The following ZNF232 variants were observed in gnomAD, a reference collection of about 807,000 sequenced individuals.
ZNF232 encodes zinc finger and SCAN domain-containing protein 11.
A neutral mutation model predicts 25.2 loss-of-function variants in ZNF232; 25 were observed. The observed-to-expected ratio is 0.99, with a 90% CI of 0.72 to 1.39. ZNF232 has a LOEUF of 1.39. Ranked by LOEUF, ZNF232 falls within the 40% of genes most tolerant of loss-of-function variation. ZNF232 has a pLI of 0.00. For missense variants in ZNF232, 519 were observed against 520.9 expected (o/e 1.00, Z 0.04); for synonymous variants, 193 against 182.9 (o/e 1.06, Z -0.45).
exon 4 of ZNF232, chr17:5,105,783 A>C (rs2072245070): frequency 2.0e-6 from 3 of 1,504,304 alleles, no homozygotes; most frequent in Admixed American, 4.4e-5. Context: ...AGTAGATTAG[A>C]CCGATGTAGA....
chr17:5,111,455 G>A (rs1429817774), intron 1 of ZNF232: 3 of 410,504 alleles, frequency 7.3e-6, no homozygotes, highest in African/African-American at 6.2e-5. Flanking sequence ...GTGATGCCCG[G>A]CGCCGCTGGC....
intron 1 of ZNF232, among the ~76,000 whole-genome samples, chr17:5,110,862 G>GT (rs1389300566): frequency 6.6e-6 from 1 of 152,182 alleles, no homozygotes; most frequent in African/African-American, 2.4e-5. Context: ...ACCAAAGAGG[G>GT]TTTTGAGGGC....
exon 2 of ZNF232, chr17:5,109,868 C>T: frequency 1.3e-6 from 2 of 1,592,022 alleles, no homozygotes; most frequent in Middle Eastern, 1.7e-4. Flanking sequence ...GCAAGGGCCC[C>T]CTGTAACATA....
chr17:5,109,114 C>A, intron 2 of ZNF232, 62 bp from the exon 3 acceptor site: 2 of 1,608,524 alleles, frequency 1.2e-6, no homozygotes, highest in Non-Finnish European at 1.7e-6. Flanking sequence ...TGGTTTCTGT[C>A]CCCTGCCTGG....
exon 1 of ZNF232, chr17:5,111,839 A>G: frequency 6.2e-7 from 1 of 1,613,754 alleles, no homozygotes; most frequent in Non-Finnish European, 8.5e-7. Flanking sequence ...GCTGCCGCGA[A>G]TCGCGCCACT....
chr17:5,113,460 A>G (rs1460214372), upstream of ZNF232: 1 of 152,264 alleles, frequency 6.6e-6, no homozygotes, highest in Non-Finnish European at 1.5e-5. Flanking sequence ...TCAGTATGTC[A>G]AACTTCAATG....
intron 1 of ZNF232, among the ~76,000 whole-genome samples, chr17:5,118,457 CA>C (rs2072581170): frequency 1.3e-5 from 2 of 152,238 alleles, no homozygotes. Flanking sequence ...CGGTGCTGCC[CA>C]AGTGGGGGTG....
chr17:5,109,127 A>G, intron 2 of ZNF232, 75 bp from the exon 3 acceptor site: 1 of 1,600,484 alleles, frequency 6.2e-7, no homozygotes. Context: ...CTGCCTGGAC[A>G]CTTGCAGATG....
chr17:5,117,816 C>T (rs1184851949), intron 1 of ZNF232, among the ~76,000 whole-genome samples: 5 of 151,734 alleles, frequency 3.3e-5, no homozygotes, highest in Admixed American at 1.3e-4. Context: ...CAAGTGAGGC[C>T]GGGTGGGGTG....
upstream of ZNF232, chr17:5,112,011 G>A (rs1003618734): frequency 5.1e-5 from 43 of 843,574 alleles, no homozygotes; most frequent in South Asian, 6.0e-4. Flanking sequence ...TCCTGGACTT[G>A]AGCGGAGCGA....
chr17:5,106,667 T>C, intron 3 of ZNF232, 134 bp from the exon 4 acceptor site: 1 of 761,660 alleles, frequency 1.3e-6, no homozygotes, highest in Non-Finnish European at 2.1e-6. Context: ...TATCTCTTGG[T>C]GATGGGACTA....
upstream of ZNF232, among the ~76,000 whole-genome samples, chr17:5,115,555 A>C (rs112775400): frequency 2.0e-5 from 3 of 148,664 alleles, no homozygotes; most frequent in African/African-American, 7.5e-5. Flanking sequence ...CGTCTCCAAA[A>C]ACACACACAC....
At chr17:5,109,044 G>A (rs546530932) in exon 3 of ZNF232, 1 of 1,614,014 alleles carries the variant, frequency 6.2e-7, no homozygotes, top group Non-Finnish European at 8.5e-7. Context: ...CATGTGCAGG[G>A]CCTGGGACCT....
chr17:5,106,575 T>G, intron 3 of ZNF232, 42 bp from the exon 4 acceptor site: 4 of 1,498,632 alleles, frequency 2.7e-6, no homozygotes, highest in Non-Finnish European at 3.6e-6. Context: ...AAATGTATAT[T>G]TCTGGAATGA....
At chr17:5,115,793 A>G (rs1255156580), upstream of ZNF232, among the ~76,000 whole-genome samples, 2 of 152,156 alleles carry the variant, frequency 1.3e-5, no homozygotes, top group Non-Finnish European at 2.9e-5. Context: ...CTCGTGCCTC[A>G]CAGATGGCCT....
At chr17:5,121,337 A>T in intron 1 of ZNF232, 1 of 343,610 alleles carries the variant, frequency 2.9e-6, no homozygotes. Context: ...CACTTCTGAA[A>T]ATCTCCTGAA....
chr17:5,115,867 G>A (rs2072523291), upstream of ZNF232, among the ~76,000 whole-genome samples: 1 of 152,156 alleles, frequency 6.6e-6, no homozygotes. Flanking sequence ...CGCCGCCTTT[G>A]GCCACTGAGG....
rs755266577 is a variant in ZNF232, at chr17:5,109,001, CCTT to C, written c.547_549del (p.Lys183del). 5.6e-6 allele frequency: 9 copies of C among 1,614,138 alleles called. No homozygotes were observed. In the African/African-American group the frequency reaches 8.0e-5, roughly 14 times the overall value. On this transcript the variant is annotated inframe_deletion, in exon 3 of 4. Coordinates refer to ENST00000575898, the Ensembl canonical transcript of ZNF232. ...GCTTCCTGGGCTGCTCCCAGAGATTCCTTCTTCTCCCATGGCTCTTCCTGTGCA... is the reference window on the plus strand; with the variant it reads ...GCTTCCTGGGCTGCTCCCAGAGATTCCTTCTCCCATGGCTCTTCCTGTGCA...
At chr17:5,113,141 C>G (rs1378792257), upstream of ZNF232, among the ~76,000 whole-genome samples, 1 of 152,166 alleles carries the variant, frequency 6.6e-6, no homozygotes, top group Non-Finnish European at 1.5e-5. Flanking sequence ...ATTTGTTTCT[C>G]CAAGATATAG....
Sources: gnomAD v4.1 joint callset for allele counts (sites outside exome capture counted in the v4.1 genomes callset) on GRCh38, gnomAD v4.1.1 for gene constraint, MANE v1.5 for transcripts, NCBI Gene and HGNC (gene_info 2026-07-23, HGNC 2026-07-21) for gene names.